PVT1: variants seen among roughly 807,000 people sequenced by gnomAD.
PVT1 encodes Pvt1 oncogene.
intron 2 of PVT1, among the ~76,000 whole-genome samples, chr8:127,802,978 G>A (rs1358146670): frequency 6.6e-6 from 1 of 152,068 alleles, no homozygotes; most frequent in African/African-American, 2.4e-5. Flanking sequence ...GCAGTGCAGA[G>A]GTTCAAGGCC....
intron 4 of PVT1, among the ~76,000 whole-genome samples, chr8:128,054,954 A>G (rs957240816): frequency 1.3e-5 from 2 of 152,204 alleles, no homozygotes; most frequent in Admixed American, 6.5e-5. Flanking sequence ...GCCTCATCCA[A>G]TCAGTGGAAA....
chr8:127,955,573 C>T (rs66824612), intron 3 of PVT1, among the ~76,000 whole-genome samples: 43,195 of 151,336 alleles, frequency 0.29, 6,682 homozygotes, highest in Non-Finnish European at 0.34. Flanking sequence ...AGTCTGTAAT[C>T]CCCTCCCCTC....
chr8:127,879,485 C>T (rs545181627), intron 2 of PVT1, among the ~76,000 whole-genome samples: 153 of 152,260 alleles, frequency 1.0e-3, no homozygotes, highest in Non-Finnish European at 1.7e-3. Context: ...GCTGAGATCA[C>T]GCCACTGCAC....
At chr8:128,075,543 T>G (rs1214386144) in intron 5 of PVT1, among the ~76,000 whole-genome samples, 2 of 152,224 alleles carry the variant, frequency 1.3e-5, no homozygotes, top group Non-Finnish European at 1.5e-5. Context: ...TCCTTTTAGC[T>G]CACCCATCTT....
chr8:127,953,422 T>C (rs1483921233), intron 3 of PVT1, among the ~76,000 whole-genome samples: 2 of 152,162 alleles, frequency 1.3e-5, no homozygotes, highest in Non-Finnish European at 2.9e-5. Flanking sequence ...AAAATCAGGC[T>C]CTTTGGAATA....
intron 5 of PVT1, among the ~76,000 whole-genome samples, chr8:128,076,991 TC>T (rs1814099560): frequency 6.6e-6 from 1 of 152,182 alleles, no homozygotes. Context: ...CAAAGGGTAT[TC>T]CCCTGCTTTG....
rs190186923 is a variant in PVT1 at position 128,017,959 on chromosome 8, A to C, written n.912+28668A>C. 1.3e-4 allele frequency among the ~76,000 whole-genome samples: 20 copies of C among 152,308 alleles called. No individual in the cohort carries two copies. The East Asian group carries it at 3.9e-3, about 29-fold the overall frequency. On this transcript the variant is annotated intron_variant and non_coding_transcript_variant, in intron 4 of 10. Coordinates refer to ENST00000651587, the Ensembl canonical transcript of PVT1. Reference sequence around the variant, plus strand: ...ACATCTTACCCTCCTGCGCCCTGGGAGTTTGTAATAATCTACGAATACGTA... The same window carrying C: ...ACATCTTACCCTCCTGCGCCCTGGGCGTTTGTAATAATCTACGAATACGTA...
At position 128,072,904 on chromosome 8, in the gene PVT1, A is replaced by C. The variant is rs967920845; in HGVS notation, n.1114+2543A>C. ...GTTGGAGTACAGTGGTGCAATCTCA[A>C]CTCACTGCAACCTCCACCTCCTGGG... is the stretch of plus-strand genomic sequence containing the variant. On this transcript the variant is annotated intron_variant and non_coding_transcript_variant, in intron 5 of 10. Transcript: ENST00000651587. Among the ~76,000 whole-genome samples the C allele has an allele frequency of 2.9e-4, 44 of 151,828 alleles. 2 individuals carry two copies.
At position 127,878,921 on chromosome 8, in the gene PVT1, A is replaced by G. The variant is rs144677753; in HGVS notation, n.373-11668A>G. 3.0e-3 allele frequency among the ~76,000 whole-genome samples: 457 copies of G among 152,284 alleles called. 4 individuals are homozygous for G. Among genetic ancestry groups the G allele is most frequent in the Non-Finnish European group, 4.4e-3 (302 of 68,004 alleles). ...TCCCCACTCCCTGAGCCTAGGGGGA[A>G]TGATATTATGGCTTCAGGCCACAAC... On this transcript the variant is annotated intron_variant and non_coding_transcript_variant, in intron 2 of 10. Transcript: ENST00000651587.
At chr8:128,025,674 T>C (rs866614281) in intron 4 of PVT1, among the ~76,000 whole-genome samples, 15 of 152,220 alleles carry the variant, frequency 9.9e-5, no homozygotes, top group African/African-American at 3.4e-4. Flanking sequence ...GACAGACTAT[T>C]TCCAAGGCTG....
intron 4 of PVT1, among the ~76,000 whole-genome samples, chr8:128,069,660 T>TC (rs1813957935): frequency 6.6e-6 from 1 of 152,060 alleles, no homozygotes; most frequent in Admixed American, 6.5e-5. Flanking sequence ...GCTTAGAATC[T>TC]CCCCACACTA....
chr8:127,968,106 C>A (rs1816723447), intron 3 of PVT1, among the ~76,000 whole-genome samples: 1 of 152,164 alleles, frequency 6.6e-6, no homozygotes, highest in East Asian at 1.9e-4. Context: ...TGACTCCATA[C>A]ACAGATTGCA....
chr8:127,852,956 T>C (rs1219721000), intron 2 of PVT1, among the ~76,000 whole-genome samples: 1 of 152,200 alleles, frequency 6.6e-6, no homozygotes. Flanking sequence ...TGAGTGTGAC[T>C]TTGGCTGGCA....
chr8:127,900,049 A>G (rs1479423516), intron 3 of PVT1, among the ~76,000 whole-genome samples: 1 of 151,836 alleles, frequency 6.6e-6, no homozygotes, highest in Non-Finnish European at 1.5e-5. Flanking sequence ...TTTATTTATT[A>G]TTTATTTTTT....
chr8:127,882,858 C>G (rs1815483746), intron 2 of PVT1, among the ~76,000 whole-genome samples: 1 of 152,154 alleles, frequency 6.6e-6, no homozygotes, highest in Admixed American at 6.6e-5. Flanking sequence ...AGACTGATTT[C>G]TCACTTCTGC....
chr8:127,994,006 C>G (rs997852494), intron 4 of PVT1, among the ~76,000 whole-genome samples: 1 of 152,158 alleles, frequency 6.6e-6, no homozygotes, highest in Non-Finnish European at 1.5e-5. Context: ...TGCTTGAGAT[C>G]CCCCCTGCTC....
At chr8:127,834,719 G>A (rs1043958555) in intron 2 of PVT1, among the ~76,000 whole-genome samples, 1 of 151,820 alleles carries the variant, frequency 6.6e-6, no homozygotes, top group African/African-American at 2.4e-5. Flanking sequence ...TAAATTTACA[G>A]GGGAAAAAAC....
chr8:127,824,939 G>A (rs1294527598), intron 2 of PVT1, among the ~76,000 whole-genome samples: 4 of 151,982 alleles, frequency 2.6e-5, no homozygotes, highest in African/African-American at 9.7e-5. Context: ...GGGCAACATG[G>A]TGAAACCGCA....
chr8:127,932,629 T>G (rs1816221774), intron 3 of PVT1: 1 of 398,336 alleles, frequency 2.5e-6, no homozygotes, highest in African/African-American at 2.1e-5. Context: ...TGGTACCTGA[T>G]GGACACCAAG....
Sources: gnomAD v4.1 joint callset for allele counts (sites outside exome capture counted in the v4.1 genomes callset) on GRCh38, gnomAD v4.1.1 for gene constraint, MANE v1.5 for transcripts, NCBI Gene and HGNC (gene_info 2026-07-23, HGNC 2026-07-21) for gene names.